KDM2A: variants seen among roughly 807,000 people sequenced by gnomAD.
The protein encoded by KDM2A is lysine demethylase 2A, also known as lysine-specific demethylase 2A.
A neutral mutation model predicts 137.3 loss-of-function variants in KDM2A; 3 were observed. The observed-to-expected ratio is 0.02, with a 90% CI of 0.01 to 0.06. KDM2A has a LOEUF of 0.06. Among genes scored for constraint, KDM2A ranks in the 10% least tolerant of loss-of-function variants. KDM2A has a pLI of 1.00. For synonymous variants in KDM2A, 512 were observed against 541.5 expected, an observed-to-expected ratio of 0.95 and a Z score of 0.76; for missense variants, 738 against 1,510.6, an observed-to-expected ratio of 0.49 and a Z score of 8.48.
At chr11:67,193,532 G>A (rs1241798987) in intron 5 of KDM2A, among the ~76,000 whole-genome samples, 3 of 152,182 alleles carry the variant, frequency 2.0e-5, no homozygotes, top group Admixed American at 1.3e-4. Context: ...TCACAGCCAT[G>A]TTGTTGGAGA....
At position 67,166,937 on chromosome 11, in the gene KDM2A, G is replaced by A. The variant is rs1018999095; in HGVS notation, c.43-13142G>A. Among the ~76,000 whole-genome samples, 8 of 152,044 alleles carry A rather than the reference G, an allele frequency of 5.3e-5. No homozygotes were observed. In the East Asian group the frequency reaches 5.8e-4, roughly 11 times the overall value. Reference sequence around the variant, plus strand: ...ACTAAAAATACAACAAATTAGCCAGGCGTGGTGGTGCACGCCTGTAATCCC... The same window carrying A: ...ACTAAAAATACAACAAATTAGCCAGACGTGGTGGTGCACGCCTGTAATCCC... On this transcript the variant is annotated intron_variant, in intron 2 of 20. Transcript: ENST00000529006.
chr11:67,213,897 C>T (rs1451629073), intron 6 of KDM2A, among the ~76,000 whole-genome samples: 1 of 152,014 alleles, frequency 6.6e-6, no homozygotes, highest in Non-Finnish European at 1.5e-5. Context: ...GACAGTCTTG[C>T]CCTGTTGCCC....
chr11:67,167,129 C>T (rs1371047538), intron 2 of KDM2A, among the ~76,000 whole-genome samples: 1 of 152,214 alleles, frequency 6.6e-6, no homozygotes, highest in East Asian at 1.9e-4. Flanking sequence ...TGTTAGCACC[C>T]AAGGAGACAA....
rs1857565932 is a variant in KDM2A, at chr11:67,199,558, C to A, written c.308-7952C>A. Among the ~76,000 whole-genome samples, 4 of 152,276 alleles carry A rather than the reference C, an allele frequency of 2.6e-5. 1 individual carries two copies. In the South Asian group the frequency reaches 8.3e-4, roughly 32 times the overall value. ...GAAAATCAAACCAGCTATAACATTC[C>A]CTTAACAAACCCTAAGCCACAGTAA... On this transcript the variant is annotated intron_variant, in intron 5 of 20. Coordinates refer to ENST00000529006, the MANE Select transcript of KDM2A (RefSeq NM_012308.3).
chr11:67,149,588 A>G (rs1809259175), intron 2 of KDM2A, among the ~76,000 whole-genome samples: 1 of 152,024 alleles, frequency 6.6e-6, no homozygotes, highest in South Asian at 2.1e-4. Flanking sequence ...TAATCATTTT[A>G]TTAGTTAATA....
At chr11:67,220,009 A>AT (rs1269832316) in intron 10 of KDM2A, among the ~76,000 whole-genome samples, 4 of 150,624 alleles carry the variant, frequency 2.7e-5, no homozygotes, top group African/African-American at 9.8e-5. Context: ...AAAAAGTAAC[A>AT]TTTTTTTCTT....
At chr11:67,227,412 G>GT (rs1380242075) in intron 10 of KDM2A, among the ~76,000 whole-genome samples, 2 of 151,976 alleles carry the variant, frequency 1.3e-5, no homozygotes, top group Non-Finnish European at 2.9e-5. Context: ...GGCAAATATA[G>GT]TAAAGCAAGA....
chr11:67,243,066 A>G lies in KDM2A; in HGVS notation c.1537A>G (p.Ile513Val). Residue 513 changes from isoleucine to valine, a missense_variant, in exon 13 of 21, where the codon ATA (isoleucine) becomes GTA (valine). Physicochemically the swap from Ile to Val is conservative, Grantham distance 29. Transcript: ENST00000529006. ...DPKLALTGVP[I>V]VQWPKRDKLK... is the part of the protein sequence containing the mutation. ...CAAGTTAGCCCTCACTGGAGTTCCT[A>G]TAGTACAGTGGCCAAAAAGGGATAA... 6.2e-7 allele frequency: 1 copy of G among 1,613,320 alleles called. No homozygotes were observed. Among genetic ancestry groups the G allele is most frequent in the Non-Finnish European group, 8.5e-7 (1 of 1,179,302 alleles).
At chr11:67,149,443 C>T (rs982440505) in intron 2 of KDM2A, among the ~76,000 whole-genome samples, 1 of 151,936 alleles carries the variant, frequency 6.6e-6, no homozygotes, top group East Asian at 1.9e-4. Flanking sequence ...ATATAACAAG[C>T]CAGTTTTACG....
intron 5 of KDM2A, among the ~76,000 whole-genome samples, chr11:67,191,276 C>T (rs182721667): frequency 1.9e-4 from 29 of 152,182 alleles, no homozygotes; most frequent in African/African-American, 6.7e-4. Context: ...CTGCTCGCCT[C>T]GGCCTCCCAA....
chr11:67,161,727 G>T (rs1856643334), intron 2 of KDM2A, among the ~76,000 whole-genome samples: 1 of 152,126 alleles, frequency 6.6e-6, no homozygotes, highest in Admixed American at 6.6e-5. Context: ...TTAGGGGTTT[G>T]TGAAGTCAAA....
intron 12 of KDM2A, among the ~76,000 whole-genome samples, chr11:67,241,814 A>G (rs760844903): frequency 2.0e-5 from 3 of 152,218 alleles, no homozygotes; most frequent in Non-Finnish European, 4.4e-5. Flanking sequence ...CATGCCTGTA[A>G]TCCCAGCACT....
rs568662732 is a variant in KDM2A, at chr11:67,257,807, T to C, written c.*2752T>C. On this transcript the variant is annotated 3_prime_UTR_variant, in exon 21 of 21. Transcript: ENST00000529006. ...GTAAGCATTAAGGGGATAAGTCTTA[T>C]GCTATCTCAGTTGACACATTGAGGT... The C allele has an allele frequency of 8.1e-4, 124 of 152,320 alleles. No homozygotes were observed. The highest frequency in any genetic ancestry group is 2.8e-3 in the African/African-American group (115 of 41,566). 9.4% of individuals were successfully genotyped at this position (152,320 alleles called of 1,614,324 possible). A position where few individuals can be genotyped will look rare whatever the true frequency, so the allele number is the denominator to read the frequency against.
intron 6 of KDM2A, among the ~76,000 whole-genome samples, chr11:67,210,383 A>G (rs1857944775): frequency 6.6e-6 from 1 of 152,170 alleles, no homozygotes; most frequent in Non-Finnish European, 1.5e-5. Context: ...CAAGAAAAAT[A>G]ACATGATTGT....
rs764972194 is a variant in KDM2A, at chr11:67,181,906, T to G, written c.307+14T>G. Reference sequence around the variant, plus strand: ...AAATGTGTGTGGGTAAGTGTCGAGCTTTTGGCCTCTGTCTTTAAGGCAAAG... The same window carrying G: ...AAATGTGTGTGGGTAAGTGTCGAGCGTTTGGCCTCTGTCTTTAAGGCAAAG... On this transcript the variant is annotated intron_variant, in intron 5 of 20. Transcript: ENST00000529006. The G allele has an allele frequency of 6.2e-7, 1 of 1,612,804 alleles. No homozygotes were observed. Among genetic ancestry groups the G allele is most frequent in the Admixed American group, 1.7e-5 (1 of 60,012 alleles).
At chr11:67,216,392 C>G (rs1456630862) in intron 8 of KDM2A, among the ~76,000 whole-genome samples, 1 of 152,132 alleles carries the variant, frequency 6.6e-6, no homozygotes, top group Non-Finnish European at 1.5e-5. Flanking sequence ...CCAAAGGAAG[C>G]CTTTAAGTCC....
chr11:67,173,777 A>T (rs1303491177), intron 2 of KDM2A, among the ~76,000 whole-genome samples: 1 of 152,130 alleles, frequency 6.6e-6, no homozygotes, highest in Non-Finnish European at 1.5e-5. Context: ...CAGTAGCCCC[A>T]TCATAACTCA....
At chr11:67,163,906 A>T (rs1856688513) in intron 2 of KDM2A, among the ~76,000 whole-genome samples, 1 of 151,818 alleles carries the variant, frequency 6.6e-6, no homozygotes, top group Admixed American at 6.6e-5. Flanking sequence ...TATGTGCTAG[A>T]TACTTTACAT....
chr11:67,192,956 T>G (rs1489378768), intron 5 of KDM2A, among the ~76,000 whole-genome samples: 2 of 152,168 alleles, frequency 1.3e-5, no homozygotes, highest in African/African-American at 4.8e-5. Context: ...ACTCAAATAC[T>G]TGATATTATG....
Sources: gnomAD v4.1 joint callset for allele counts (sites outside exome capture counted in the v4.1 genomes callset) on GRCh38, gnomAD v4.1.1 for gene constraint, MANE v1.5 for transcripts, NCBI Gene and HGNC (gene_info 2026-07-23, HGNC 2026-07-21) for gene names.